Variants in PPP3CA observed in about 807,000 individuals in gnomAD.
PPP3CA encodes the protein CAM-PRP catalytic subunit.
PPP3CA carries 14 observed loss-of-function variants against 66.5 expected under a neutral mutation model. The ratio of observed to expected loss-of-function variants is 0.21; its 90% CI spans 0.14 to 0.33. The LOEUF is 0.33. Ranked by LOEUF, PPP3CA falls within the 10% of genes least tolerant of loss-of-function variation. The probability of loss-of-function intolerance (pLI) is 1.00; values close to 1 mark genes in which losing one functional copy is unlikely to be tolerated. For synonymous variants in PPP3CA, 232 were observed against 226.2 expected, an observed-to-expected ratio of 1.03 and a Z score of -0.23; for missense variants, 317 against 639.5, an observed-to-expected ratio of 0.50 and a Z score of 5.44.
At chr4:101,241,345 G>C (rs1034661850) in intron 1 of PPP3CA, among the ~76,000 whole-genome samples, 2 of 151,966 alleles carry the variant, frequency 1.3e-5, no homozygotes, top group Admixed American at 1.3e-4. Context: ...GATAATATGT[G>C]GAAGGCCTTT....
At chr4:101,095,956 GA>G (rs1730178763) in intron 5 of PPP3CA, among the ~76,000 whole-genome samples, 1 of 152,002 alleles carries the variant, frequency 6.6e-6, no homozygotes, top group African/African-American at 2.4e-5. Flanking sequence ...GGCCCAGAAA[GA>G]AACAATTTTA....
At chr4:101,217,667 G>A (rs1340968331) in intron 1 of PPP3CA, among the ~76,000 whole-genome samples, 2 of 152,130 alleles carry the variant, frequency 1.3e-5, no homozygotes, top group Non-Finnish European at 1.5e-5. Flanking sequence ...GTTTTCAAAA[G>A]CTATTCAGGG....
intron 1 of PPP3CA, among the ~76,000 whole-genome samples, chr4:101,256,281 C>T (rs545136994): frequency 4.7e-4 from 71 of 152,000 alleles, no homozygotes; most frequent in African/African-American, 1.7e-3. Flanking sequence ...GAAGAGACTC[C>T]TACCAACCAG....
intron 7 of PPP3CA, 69 bp from the exon 8 acceptor site, chr4:101,080,695 G>T: frequency 1.0e-6 from 1 of 964,454 alleles, no homozygotes; most frequent in Non-Finnish European, 1.5e-6. Flanking sequence ...CATAGATTGA[G>T]AAATAGAAAA....
chr4:101,223,135 G>A (rs1725676960), intron 1 of PPP3CA, among the ~76,000 whole-genome samples: 1 of 151,746 alleles, frequency 6.6e-6, no homozygotes, highest in Non-Finnish European at 1.5e-5. Flanking sequence ...GAACTAAGTA[G>A]TTTCCTAGAC....
Position 101,322,511 on chromosome 4 carries a change from AGCGATTCTC to A in PPP3CA, c.58+24219_58+24227del, listed in dbSNP as rs202222523. Among the ~76,000 whole-genome samples the A allele has an allele frequency of 7.5e-3, 1,134 of 151,896 alleles. 12 individuals carry two copies. The highest frequency in any genetic ancestry group is 0.026 in the African/African-American group (1,084 of 41,378). ...CTACAACCTCTGCCTCCCGGGTTCA[AGCGATTCTC>A]GTGCCTCAGCCTCCCAAGTAGCTGG... On this transcript the variant is annotated intron_variant, in intron 1 of 13. Coordinates refer to ENST00000394854, the MANE Select transcript of PPP3CA (RefSeq NM_000944.5).
chr4:101,057,546 T>C (rs1728278505), intron 10 of PPP3CA, among the ~76,000 whole-genome samples: 2 of 152,288 alleles, frequency 1.3e-5, no homozygotes, highest in South Asian at 4.1e-4. Context: ...ACACTGAACA[T>C]GATCTTAAAC....
rs56681112 is a variant in PPP3CA at position 101,285,599 on chromosome 4, A to ATGTGTG, written c.58+61134_58+61139dup. ...TTCCCTTTCAAATGCCACTGTGTGTATGTGTGTGTGTGTGTGTGTGTGTGT... is the reference window on the plus strand; with the variant it reads ...TTCCCTTTCAAATGCCACTGTGTGTATGTGTGTGTGTGTGTGTGTGTGTGTGTGTGT... On this transcript the variant is annotated intron_variant, in intron 1 of 13. Transcript: ENST00000394854. Among the ~76,000 whole-genome samples, 883 of 124,584 alleles carry ATGTGTG rather than the reference A, an allele frequency of 7.1e-3. 9 individuals are homozygous for ATGTGTG. Among genetic ancestry groups the ATGTGTG allele is most frequent in the South Asian group, 0.013 (47 of 3,552 alleles). The allele number at this position is 124,584 out of a possible 152,430, so 81.7% of individuals were successfully genotyped here. A position where few individuals can be genotyped will look rare whatever the true frequency, so the allele number is the denominator to read the frequency against.
chr4:101,184,050 A>C (rs1414058941), intron 2 of PPP3CA, among the ~76,000 whole-genome samples: 1 of 152,048 alleles, frequency 6.6e-6, no homozygotes. Flanking sequence ...AAGAGAAGTG[A>C]CTCCCATAGA....
At chr4:101,242,260 T>C (rs559771970) in intron 1 of PPP3CA, among the ~76,000 whole-genome samples, 1 of 152,314 alleles carries the variant, frequency 6.6e-6, no homozygotes, top group Admixed American at 6.5e-5. Flanking sequence ...TGGGGATAGA[T>C]AAGCAATTAA....
chr4:101,219,242 TA>T (rs1725549144), intron 1 of PPP3CA, among the ~76,000 whole-genome samples: 1 of 152,038 alleles, frequency 6.6e-6, no homozygotes, highest in East Asian at 1.9e-4. Flanking sequence ...ATTATTCTTC[TA>T]CTTAATAGTT....
chr4:101,241,255 T>C (rs1350350404), intron 1 of PPP3CA, among the ~76,000 whole-genome samples: 1 of 152,134 alleles, frequency 6.6e-6, no homozygotes, highest in Non-Finnish European at 1.5e-5. Flanking sequence ...TTTGCACTCC[T>C]ATGGAAAGGT....
intron 1 of PPP3CA, among the ~76,000 whole-genome samples, chr4:101,223,928 A>G (rs1212968033): frequency 1.3e-5 from 2 of 151,826 alleles, no homozygotes; most frequent in African/African-American, 4.8e-5. Context: ...ACAGTCTCCA[A>G]TCTTTTTTAA....
At chr4:101,231,367 G>A (rs1317595926) in intron 1 of PPP3CA, among the ~76,000 whole-genome samples, 1 of 151,698 alleles carries the variant, frequency 6.6e-6, no homozygotes, top group East Asian at 1.9e-4. Context: ...ATTTATCAAT[G>A]AGTCCATTTA....
At chr4:101,115,859 T>G (rs1721822574) in intron 2 of PPP3CA, among the ~76,000 whole-genome samples, 1 of 151,936 alleles carries the variant, frequency 6.6e-6, no homozygotes. Flanking sequence ...GAGCAAAAAT[T>G]TTATAATATC....
chr4:101,253,630 C>A (rs1197469438), intron 1 of PPP3CA, among the ~76,000 whole-genome samples: 2 of 152,082 alleles, frequency 1.3e-5, no homozygotes, highest in Non-Finnish European at 2.9e-5. Flanking sequence ...TAAACATTAT[C>A]TGATTTTCTC....
intron 1 of PPP3CA, among the ~76,000 whole-genome samples, chr4:101,202,716 G>C (rs114303952): frequency 9.2e-5 from 14 of 152,102 alleles, no homozygotes; most frequent in African/African-American, 3.4e-4. Flanking sequence ...CTCAAGTATG[G>C]TTAAATATTA....
At chr4:101,238,692 A>G (rs1726203753) in intron 1 of PPP3CA, among the ~76,000 whole-genome samples, 1 of 152,060 alleles carries the variant, frequency 6.6e-6, no homozygotes, top group Non-Finnish European at 1.5e-5. Context: ...AAGAATCAAT[A>G]TTTATCTCAG....
intron 1 of PPP3CA, among the ~76,000 whole-genome samples, chr4:101,265,995 C>A (rs188980988): frequency 1.6e-3 from 241 of 152,244 alleles, no homozygotes; most frequent in African/African-American, 5.5e-3. Flanking sequence ...CATGTTACTG[C>A]CTGTGGATGA....
Sources: gnomAD v4.1 joint callset for allele counts (sites outside exome capture counted in the v4.1 genomes callset) on GRCh38, gnomAD v4.1.1 for gene constraint, MANE v1.5 for transcripts, NCBI Gene and HGNC (gene_info 2026-07-23, HGNC 2026-07-21) for gene names.